The following OPCML variants were observed in gnomAD, a reference collection of about 807,000 sequenced individuals.
OPCML encodes opioid-binding protein/cell adhesion molecule.
In OPCML, 13 loss-of-function variants were observed where a neutral mutation model predicts 37.8. The observed-to-expected ratio is 0.34, with a 90% CI of 0.22 to 0.55. The LOEUF (loss-of-function observed/expected upper bound fraction) is 0.55, where lower values mean the gene tolerates loss of function less well. Ranked by LOEUF, OPCML falls within the 20% of genes least tolerant of loss-of-function variation. The probability of loss-of-function intolerance (pLI) is 0.91; values close to 1 mark genes in which losing one functional copy is unlikely to be tolerated. For synonymous variants in OPCML, 176 were observed against 168.8 expected (o/e 1.04, Z -0.33); for missense variants, 341 against 435.6 (o/e 0.78, Z 1.93).
intron 1 of OPCML, among the ~76,000 whole-genome samples, chr11:133,243,853 T>C (rs1940820305): frequency 6.6e-6 from 1 of 152,196 alleles, no homozygotes; most frequent in African/African-American, 2.4e-5. Flanking sequence ...CTTCATCCTA[T>C]TTGGGGACCT....
chr11:133,514,219 T>C (rs759014774), intron 1 of OPCML, among the ~76,000 whole-genome samples: 23 of 152,308 alleles, frequency 1.5e-4, no homozygotes, highest in Non-Finnish European at 3.1e-4. Flanking sequence ...GAGGAACCAG[T>C]ACAGGGGATA....
chr11:132,840,002 G>C (rs902337397), intron 2 of OPCML, among the ~76,000 whole-genome samples: 2 of 152,096 alleles, frequency 1.3e-5, no homozygotes, highest in African/African-American at 2.4e-5. Flanking sequence ...GGTCCAGGCG[G>C]GGAGGAGAAA....
At chr11:133,312,524 C>A (rs760511878) in intron 1 of OPCML, among the ~76,000 whole-genome samples, 2 of 152,198 alleles carry the variant, frequency 1.3e-5, no homozygotes, top group South Asian at 4.1e-4. Flanking sequence ...AATTGTCTAA[C>A]TCTTCCCTTT....
At chr11:133,105,578 C>G (rs552701446) in intron 1 of OPCML, among the ~76,000 whole-genome samples, 5 of 152,158 alleles carry the variant, frequency 3.3e-5, no homozygotes, top group African/African-American at 1.2e-4. Flanking sequence ...AAGATACATT[C>G]AGAATGAAAG....
intron 2 of OPCML, among the ~76,000 whole-genome samples, chr11:132,754,697 G>A (rs930401894): frequency 6.6e-6 from 1 of 152,128 alleles, no homozygotes; most frequent in Non-Finnish European, 1.5e-5. Context: ...AGTGACTAAG[G>A]GAGGGGCAGG....
At chr11:133,266,906 C>T (rs1941677778) in intron 1 of OPCML, among the ~76,000 whole-genome samples, 1 of 152,126 alleles carries the variant, frequency 6.6e-6, no homozygotes, top group African/African-American at 2.4e-5. Context: ...GAGATGTCCT[C>T]AGGGCAGGTG....
intron 1 of OPCML, among the ~76,000 whole-genome samples, chr11:133,229,064 G>A (rs540574974): frequency 6.6e-6 from 1 of 152,338 alleles, no homozygotes; most frequent in African/African-American, 2.4e-5. Flanking sequence ...TCATCTTGGA[G>A]CAGGCCCAGC....
At chr11:132,727,709 A>C (rs1238286997) in intron 2 of OPCML, among the ~76,000 whole-genome samples, 1 of 152,190 alleles carries the variant, frequency 6.6e-6, no homozygotes, top group Non-Finnish European at 1.5e-5. Context: ...AGGGGCTGGC[A>C]CTTCTGCTCT....
At chr11:133,258,835 C>A (rs1202562087) in intron 1 of OPCML, among the ~76,000 whole-genome samples, 1 of 152,148 alleles carries the variant, frequency 6.6e-6, no homozygotes, top group East Asian at 1.9e-4. Flanking sequence ...CTGCCCCTGC[C>A]TGCCCAGAGA....
intron 1 of OPCML, among the ~76,000 whole-genome samples, chr11:133,042,931 G>A (rs1447459215): frequency 1.3e-5 from 2 of 152,066 alleles, no homozygotes; most frequent in African/African-American, 2.4e-5. Context: ...ATTAGGGGAC[G>A]AGATTAGCAG....
chr11:132,734,979 A>G (rs1311385191), intron 2 of OPCML, among the ~76,000 whole-genome samples: 1 of 152,216 alleles, frequency 6.6e-6, no homozygotes, highest in African/African-American at 2.4e-5. Context: ...CGCCTGCAAC[A>G]TATAAAAGTA....
chr11:133,379,944 C>G (rs971139470), intron 1 of OPCML, among the ~76,000 whole-genome samples: 15 of 152,182 alleles, frequency 9.9e-5, no homozygotes, highest in Non-Finnish European at 2.9e-5. Flanking sequence ...AAACCTTCAG[C>G]TCACAGGTAG....
At chr11:133,265,330 C>T (rs1941624511) in intron 1 of OPCML, among the ~76,000 whole-genome samples, 1 of 152,160 alleles carries the variant, frequency 6.6e-6, no homozygotes, top group African/African-American at 2.4e-5. Flanking sequence ...AAGAGTCTGC[C>T]ATCATACCAG....
intron 1 of OPCML, among the ~76,000 whole-genome samples, chr11:133,306,510 T>G (rs1382370897): frequency 6.6e-6 from 1 of 152,166 alleles, no homozygotes; most frequent in Non-Finnish European, 1.5e-5. Flanking sequence ...AATATGAGTT[T>G]TGAACATATG....
intron 1 of OPCML, chr11:133,422,512 G>A: frequency 1.0e-6 from 1 of 982,200 alleles, no homozygotes; most frequent in African/African-American, 1.8e-5. Context: ...ACTCATTTCT[G>A]TTTTTAGAGA....
intron 1 of OPCML, among the ~76,000 whole-genome samples, chr11:133,436,292 G>T (rs1438321840): frequency 6.6e-6 from 1 of 152,088 alleles, no homozygotes. Context: ...GTTAGTTTTG[G>T]TTCCTCCATT....
intron 1 of OPCML, among the ~76,000 whole-genome samples, chr11:133,044,429 T>C (rs1172249489): frequency 6.6e-6 from 1 of 151,964 alleles, no homozygotes; most frequent in Non-Finnish European, 1.5e-5. Context: ...GGAGAGAGGC[T>C]AAATTGTGAA....
intron 3 of OPCML, among the ~76,000 whole-genome samples, chr11:132,626,817 TC>T (rs1344440228): frequency 1.1e-4 from 2 of 18,848 alleles, no homozygotes; most frequent in African/African-American, 3.3e-4. Flanking sequence ...GAAGTTTCTC[TC>T]TCTCTCTCTC....
chr11:132,688,414 A>G (rs886201516), intron 2 of OPCML, among the ~76,000 whole-genome samples: 1 of 152,148 alleles, frequency 6.6e-6, no homozygotes, highest in Non-Finnish European at 1.5e-5. Context: ...ATTGAGTGTG[A>G]CCTTGGGAAA....
Sources: allele counts gnomAD v4.1 joint callset (sites outside exome capture counted in the v4.1 genomes callset), GRCh38; gene constraint gnomAD v4.1.1; transcripts MANE v1.5; gene names NCBI Gene and HGNC (gene_info 2026-07-23, HGNC 2026-07-21).